Variants in TRPM1 observed in about 807,000 individuals in gnomAD.
The protein encoded by TRPM1 is TRPM1-203 APA Isoform, Intron 10.
A neutral mutation model predicts 149.4 loss-of-function variants in TRPM1; 113 were observed. The ratio of observed to expected loss-of-function variants is 0.76; its 90% CI spans 0.65 to 0.88. The LOEUF (loss-of-function observed/expected upper bound fraction) is 0.88, where lower values mean the gene tolerates loss of function less well. Among genes scored for constraint, TRPM1 ranks in the 40% least tolerant of loss-of-function variants. TRPM1 has a pLI of 0.00. For missense variants in TRPM1, 1,976 were observed against 2,038.7 expected (o/e 0.97, Z 0.59); for synonymous variants, 741 against 759.5 (o/e 0.98, Z 0.40).
intron 24 of TRPM1, 22 bp downstream of exon 24, chr15:31,029,349 A>T: frequency 6.2e-7 from 1 of 1,611,224 alleles, no homozygotes; most frequent in Non-Finnish European, 8.5e-7. Context: ...AGACTAGAAT[A>T]ATCAATTCCA....
At chr15:31,043,401 C>T (rs1443440673) in intron 16 of TRPM1, among the ~76,000 whole-genome samples, 2 of 152,156 alleles carry the variant, frequency 1.3e-5, no homozygotes, top group African/African-American at 4.8e-5. Context: ...ACCGTGTTAG[C>T]CAGGATGGTC....
intron 1 of TRPM1, among the ~76,000 whole-genome samples, chr15:31,135,155 AT>A (rs1282021877): frequency 2.5e-4 from 38 of 152,164 alleles, no homozygotes. Flanking sequence ...GGAGAAAATT[AT>A]TTTTCCTTCC....
In TRPM1 at chr15:31,071,996, TATATATATATATATATATATATAGAG is replaced by T. The variant is rs1483802387; in HGVS notation, c.84-1796_84-1771del. Among the ~76,000 whole-genome samples, 80 of 71,188 alleles carry T rather than the reference TATATATATATATATATATATATAGAG, an allele frequency of 1.1e-3. 2 individuals are homozygous for T. Among genetic ancestry groups the T allele is most frequent in the African/African-American group, 4.4e-3 (73 of 16,444 alleles). The allele number at this position is 71,188 out of a possible 152,430, so 46.7% of individuals were successfully genotyped here. On this transcript the variant is annotated intron_variant, in intron 3 of 27. Transcript: ENST00000256552. ...AAAAAAAAACATATATATATATATA[TATATATATATATATATATATATAGAG>T]AGAGAGAGAGAGAGAGAGAGAGAGA...
chr15:31,049,866 G>A (rs2033898122), intron 12 of TRPM1, among the ~76,000 whole-genome samples: 1 of 152,200 alleles, frequency 6.6e-6, no homozygotes, highest in Non-Finnish European at 1.5e-5. Context: ...CATGACCAGG[G>A]TGCCGTGTGG....
chr15:31,069,397 C>T, intron 4 of TRPM1: 1 of 992,508 alleles, frequency 1.0e-6, no homozygotes. Context: ...GCATTTGGAA[C>T]ACAGCTAAAT....
Position 31,032,898 on chromosome 15 carries a change from C to T in TRPM1, c.2743G>A (p.Val915Ile). 3.7e-6 allele frequency: 6 copies of T among 1,614,194 alleles called. No homozygotes were observed. Among genetic ancestry groups the T allele is most frequent in the Non-Finnish European group, 5.1e-6 (6 of 1,180,036 alleles). Residue 915 changes from valine to isoleucine, a missense_variant, in exon 22 of 28, where the codon GTT (valine) becomes ATT (isoleucine). Physicochemically the swap from Val to Ile is conservative, Grantham distance 29. Transcript: ENST00000256552. ...EPGKLSQKIK[V>I]WLQEYWNITD... ...ATGTTCCAGTACTCCTGAAGCCAAA[C>T]TTTGATTTTCTGGCTGAGTTTGCCT...
chr15:31,132,902 C>T (rs1237542461), intron 1 of TRPM1, among the ~76,000 whole-genome samples: 1 of 152,198 alleles, frequency 6.6e-6, no homozygotes, highest in African/African-American at 2.4e-5. Context: ...GCTTCTCCTT[C>T]GCCTTCTGCC....
Position 31,050,425 on chromosome 15 carries a change from A to T in TRPM1, c.1421T>A (p.Ile474Lys). 1 of 1,613,986 alleles carries T rather than the reference A, an allele frequency of 6.2e-7. No individual in the cohort carries two copies. The highest frequency in any genetic ancestry group is 8.5e-7 in the Non-Finnish European group (1 of 1,179,992). ...EVEEETDPRK[I>K]ELLNWVNALE... Reference sequence around the variant, plus strand: ...TCCACATACCCAGTTCAGCAGCTCTATCTTCCGGGGGTCAGTTTCTTCCTC... The same window carrying T: ...TCCACATACCCAGTTCAGCAGCTCTTTCTTCCGGGGGTCAGTTTCTTCCTC... The change falls in exon 12 of 28, where the codon ATA becomes AAA. Residue 474 changes from isoleucine (I) to lysine (K), a missense_variant. By Grantham distance (102) the Ile-to-Lys change is moderately radical. Transcript: ENST00000256552.
chr15:31,028,331 C>T lies in TRPM1; in HGVS notation c.3293+1G>A. ...ATGTGGTCATCGGCTGTGACACGTA[C>T]TTGAACACAGCAATCAGCAGGTTCA... On this transcript the variant is annotated splice_donor_variant, in intron 25 of 27. Coordinates refer to ENST00000256552, the MANE Select transcript of TRPM1 (RefSeq NM_001252024.2). LOFTEE classifies it high-confidence loss of function. The T allele has an allele frequency of 6.2e-7, 1 of 1,614,114 alleles. No individual in the cohort carries two copies. The highest frequency in any genetic ancestry group is 8.5e-7 in the Non-Finnish European group (1 of 1,180,016).
chr15:31,051,220 T>C (rs971876389), intron 11 of TRPM1, among the ~76,000 whole-genome samples: 1 of 152,122 alleles, frequency 6.6e-6, no homozygotes, highest in African/African-American at 2.4e-5. Flanking sequence ...CGTGGCCTTG[T>C]CTCCTGGTCT....
intron 14 of TRPM1, among the ~76,000 whole-genome samples, chr15:31,047,513 G>C (rs544818052): frequency 1.2e-4 from 19 of 152,318 alleles, no homozygotes; most frequent in Admixed American, 8.5e-4. Flanking sequence ...CTTCTGGAAA[G>C]AGCCACAGGC....
In TRPM1 at chr15:31,157,860, T is replaced by A. The variant is rs531862459; in HGVS notation, c.54+3046A>T. The stretch of plus-strand genomic sequence containing the variant: ...AGGCGAGATGACCCTGGAAGACTCG[T>A]ACATAGTGCAGTTTGTGTTTGTTTT... On this transcript the variant is annotated intron_variant, in intron 1 of 26. Transcript: ENST00000542188. Among the ~76,000 whole-genome samples the A allele has an allele frequency of 2.0e-5, 3 of 152,290 alleles. No homozygotes were observed. The East Asian group carries it at 5.8e-4, about 29-fold the overall frequency.
Position 31,085,007 on chromosome 15 carries a change from A to T in TRPM1, c.-83-3569T>A, listed in dbSNP as rs1439519533. Reference sequence around the variant, plus strand: ...CCCAGCCAACATTTTTTCTTTTTAAAGTGAATACAAAATATGGCTAGGAAA... The same window carrying T: ...CCCAGCCAACATTTTTTCTTTTTAATGTGAATACAAAATATGGCTAGGAAA... On this transcript the variant is annotated intron_variant, in intron 1 of 27. Transcript: ENST00000256552. Among the ~76,000 whole-genome samples the T allele has an allele frequency of 2.6e-5, 4 of 152,194 alleles. No individual in the cohort carries two copies. The South Asian group carries it at 8.3e-4, about 32-fold the overall frequency.
intron 27 of TRPM1, among the ~76,000 whole-genome samples, chr15:31,007,094 G>T (rs1478801707): frequency 6.6e-6 from 1 of 152,020 alleles, no homozygotes; most frequent in African/African-American, 2.4e-5. Context: ...TTCCCAAGTT[G>T]TGAAGATTTT....
chr15:31,109,241 G>A (rs2035649317), intron 1 of TRPM1, among the ~76,000 whole-genome samples: 2 of 147,844 alleles, frequency 1.4e-5, no homozygotes. Context: ...GGCCGAAGCT[G>A]GAGAATCACT....
chr15:31,052,694 G>T (rs529137980), intron 11 of TRPM1, among the ~76,000 whole-genome samples: 6 of 152,188 alleles, frequency 3.9e-5, no homozygotes, highest in Non-Finnish European at 5.9e-5. Context: ...AGAATTCCTT[G>T]AACCCAGGAG....
chr15:31,082,380 C>G (rs760385810), intron 1 of TRPM1, among the ~76,000 whole-genome samples: 3 of 152,194 alleles, frequency 2.0e-5, no homozygotes, highest in Non-Finnish European at 4.4e-5. Flanking sequence ...GGAGGTCATA[C>G]TGGAGGCGGA....
chr15:31,079,459 G>A (rs2034798915), intron 2 of TRPM1, among the ~76,000 whole-genome samples: 1 of 152,312 alleles, frequency 6.6e-6, no homozygotes, highest in African/African-American at 2.4e-5. Context: ...TCCTTGCCAG[G>A]GAAACCGCTC....
rs924900840 is a variant in TRPM1, at chr15:31,032,830, A to G, written c.2811T>C (p.Ile937=). The G allele has an allele frequency of 6.8e-6, 11 of 1,614,218 alleles. No homozygotes were observed. Among genetic ancestry groups the G allele is most frequent in the Non-Finnish European group, 9.3e-6 (11 of 1,180,046 alleles). The part of the protein sequence containing the change: ...VAISTFMIGA[I]LRLQNQPYMG... ...TGTAGGGCTGGTTCTGTAGGCGAAG[A>G]ATTGCTCCAATCATGAATGTGGAAA... The change falls in exon 22 of 28, where the codon ATT becomes ATC. Residue 937 remains isoleucine, a synonymous_variant. Coordinates refer to ENST00000256552, the MANE Select transcript of TRPM1 (RefSeq NM_001252024.2).
Sources: allele counts gnomAD v4.1 joint callset (sites outside exome capture counted in the v4.1 genomes callset), GRCh38; gene constraint gnomAD v4.1.1; transcripts MANE v1.5; gene names NCBI Gene and HGNC (gene_info 2026-07-23, HGNC 2026-07-21).